The following TASOR2 variants were observed in gnomAD, a reference collection of about 807,000 sequenced individuals.
TASOR2 encodes protein TASOR 2.
Under a neutral mutation model 199.5 loss-of-function variants are expected in TASOR2, and 84 were observed. That is an observed-to-expected ratio of 0.42 (90% CI 0.35 to 0.50). TASOR2 has a LOEUF of 0.50. TASOR2 is among the 20% of genes least tolerant of loss of function. The pLI, the probability that TASOR2 is intolerant of heterozygous loss-of-function variation, is 0.02. For synonymous variants in TASOR2, 1,103 were observed against 1,046.6 expected (o/e 1.05, Z -1.04); for missense variants, 2,796 against 2,835.9 (o/e 0.99, Z 0.32).
At chr10:5,691,109 T>G (rs1394787026) in intron 1 of TASOR2, among the ~76,000 whole-genome samples, 1 of 150,846 alleles carries the variant, frequency 6.6e-6, no homozygotes, top group African/African-American at 2.4e-5. Context: ...GGGAATCGCT[T>G]GAACCTGGGA....
At chr10:5,707,303 T>C (rs889267335) in intron 1 of TASOR2, among the ~76,000 whole-genome samples, 5 of 152,158 alleles carry the variant, frequency 3.3e-5, no homozygotes, top group African/African-American at 9.7e-5. Context: ...CCAATAAAAG[T>C]TTAAACAATA....
chr10:5,730,199 G>A lies in TASOR2; in HGVS notation c.488-288G>A, dbSNP rs1834618773. Among the ~76,000 whole-genome samples, 1 of 152,222 alleles carries A rather than the reference G, an allele frequency of 6.6e-6. No individual in the cohort carries two copies. The highest frequency in any genetic ancestry group is 2.4e-5 in the African/African-American group (1 of 41,448). On this transcript the variant is annotated intron_variant, in intron 10 of 20. Coordinates refer to ENST00000328090, the Ensembl canonical transcript of TASOR2. The surrounding 1 kb of genome is among the most constrained non-coding windows in gnomAD (Gnocchi z 4.1). ...TGAGCTCATGAGCTCCTTGTTAGGT[G>A]AGATGGAGCTGGAGGCAGGGTTTAG...
Position 5,699,027 on chromosome 10 carries a change from A to G in TASOR2, c.-287-13796A>G, listed in dbSNP as rs1029652717. Reference sequence around the variant, plus strand: ...AACATGTTCACATAAAAACTTATACATGAATGCTCATAGCATAATTATTCA... The same window carrying G: ...AACATGTTCACATAAAAACTTATACGTGAATGCTCATAGCATAATTATTCA... On this transcript the variant is annotated intron_variant, in intron 1 of 20. Transcript: ENST00000328090. The surrounding 1 kb of genome is among the most constrained non-coding windows in gnomAD (Gnocchi z 4.1). 1.3e-5 allele frequency among the ~76,000 whole-genome samples: 2 copies of G among 152,224 alleles called. No homozygotes were observed. The highest frequency in any genetic ancestry group is 1.5e-5 in the Non-Finnish European group (1 of 68,028).
exon 15 of TASOR2, chr10:5,746,293 C>A: frequency 6.2e-7 from 1 of 1,614,082 alleles, no homozygotes. Context: ...AGAAATTGTT[C>A]AGCCACTGGA....
intron 1 of TASOR2, among the ~76,000 whole-genome samples, chr10:5,700,959 G>T (rs1019377228): frequency 9.6e-6 from 1 of 104,010 alleles, no homozygotes; most frequent in Non-Finnish European, 2.2e-5. Context: ...TGTTTCCTTT[G>T]CTGTGCAGAA....
chr10:5,724,446 G>A lies in TASOR2; in HGVS notation c.264G>A (p.Leu88=), dbSNP rs750741806. The A allele has an allele frequency of 2.0e-6, 3 of 1,535,714 alleles. No homozygotes were observed. In the African/African-American group the frequency reaches 4.2e-5, roughly 22 times the overall value. Residue 88 remains leucine (L), a synonymous_variant, in exon 8 of 21, where the codon TTG becomes TTA. Coordinates refer to ENST00000328090, the Ensembl canonical transcript of TASOR2. Reference sequence around the variant, plus strand: ...TCTCTACAGTCTGTTTTCAAGATTTGTGCTTCAATTTGTATGAGGTAGAAC... The same window carrying A: ...TCTCTACAGTCTGTTTTCAAGATTTATGCTTCAATTTGTATGAGGTAGAAC...
intron 1 of TASOR2, among the ~76,000 whole-genome samples, chr10:5,696,562 G>A (rs934053374): frequency 6.6e-6 from 1 of 152,054 alleles, no homozygotes; most frequent in African/African-American, 2.4e-5. Flanking sequence ...TCACTATGTT[G>A]CCAGGCTGGT....
intron 1 of TASOR2, among the ~76,000 whole-genome samples, chr10:5,707,680 C>G (rs1020274318): frequency 6.6e-6 from 1 of 150,922 alleles, no homozygotes. Context: ...CTCTGTCTCC[C>G]CCCCCAACCC....
At chr10:5,723,203 C>T (rs1554763685) in intron 6 of TASOR2, among the ~76,000 whole-genome samples, 1 of 151,448 alleles carries the variant, frequency 6.6e-6, no homozygotes, top group Non-Finnish European at 1.5e-5. Flanking sequence ...CTACAGGCGC[C>T]CACCACCACA....
chr10:5,735,922 G>A (rs924351681), intron 12 of TASOR2, among the ~76,000 whole-genome samples: 1 of 152,070 alleles, frequency 6.6e-6, no homozygotes, highest in Admixed American at 6.6e-5. Context: ...TATCTAAAGG[G>A]AATTATAAAC....
intron 8 of TASOR2, among the ~76,000 whole-genome samples, chr10:5,726,655 AAACT>A (rs1299766356): frequency 6.6e-6 from 1 of 152,198 alleles, no homozygotes; most frequent in Non-Finnish European, 1.5e-5. Context: ...CACTGTTCTA[AAACT>A]AACCTTTCAT....
At chr10:5,758,367 C>T (rs1299530075) in intron 17 of TASOR2, among the ~76,000 whole-genome samples, 1 of 152,000 alleles carries the variant, frequency 6.6e-6, no homozygotes, top group Non-Finnish European at 1.5e-5. Context: ...ATAGTGAGAT[C>T]CCATCTCTAC....
In TASOR2 at chr10:5,755,001, GC is replaced by G. The variant is rs1838701052; in HGVS notation, c.6607-1611del. ...GCAGAGCTTGCAGTGAGCCGAGATCGCGCCACTGCACTCCAGCCTGGGCAAC... is the reference window on the plus strand; with the variant it reads ...GCAGAGCTTGCAGTGAGCCGAGATCGGCCACTGCACTCCAGCCTGGGCAAC... On this transcript the variant is annotated intron_variant, in intron 15 of 20. Coordinates refer to ENST00000328090, the Ensembl canonical transcript of TASOR2. Among the ~76,000 whole-genome samples, 3 of 140,986 alleles carry G rather than the reference GC, an allele frequency of 2.1e-5. No individual in the cohort carries two copies. In the South Asian group the frequency reaches 6.7e-4, roughly 32 times the overall value. 92.5% of individuals were successfully genotyped at this position (140,986 alleles called of 152,430 possible). A position where few individuals can be genotyped will look rare whatever the true frequency, so the allele number is the denominator to read the frequency against.
In TASOR2 at chr10:5,685,800, T is replaced by C. The variant is rs1365347767; in HGVS notation, c.-288+625T>C. Among the ~76,000 whole-genome samples, 1 of 152,262 alleles carries C rather than the reference T, an allele frequency of 6.6e-6. No individual in the cohort carries two copies. The highest frequency in any genetic ancestry group is 2.4e-5 in the African/African-American group (1 of 41,478). On this transcript the variant is annotated intron_variant, in intron 1 of 20. Coordinates refer to ENST00000328090, the Ensembl canonical transcript of TASOR2. The surrounding 1 kb of genome is among the most constrained non-coding windows in gnomAD (Gnocchi z 5.4). ...ACTTTGGGAATTCTCAAGTTTCTCT[T>C]AGTCGCTTCTTGTCTATTTGAAATC...
chr10:5,694,018 G>A (rs1031950863), intron 1 of TASOR2, among the ~76,000 whole-genome samples: 9 of 151,872 alleles, frequency 5.9e-5, no homozygotes, highest in Admixed American at 5.9e-4. Flanking sequence ...GGTAATCCGA[G>A]GTTTATCTGA....
At position 5,713,965 on chromosome 10, in the gene TASOR2, C is replaced by T. The variant is rs145377966; in HGVS notation, c.-192+1047C>T. The T allele has an allele frequency of 7.4e-5, 27 of 364,312 alleles. No homozygotes were observed. The East Asian group carries it at 1.0e-3, about 14-fold the overall frequency. The allele number at this position is 364,312 out of a possible 1,614,324, so 22.6% of individuals were successfully genotyped here. On this transcript the variant is annotated intron_variant, in intron 2 of 20. Transcript: ENST00000328090. ...CCTGTAATCTCAGCATTTTGGGAGG[C>T]TGAGGTGGGAGGATTGCTTGAGCCC... is the stretch of plus-strand genomic sequence containing the variant.
chr10:5,715,256 A>C (rs1304492402), intron 2 of TASOR2, among the ~76,000 whole-genome samples: 2 of 149,462 alleles, frequency 1.3e-5, no homozygotes, highest in African/African-American at 2.5e-5. Flanking sequence ...CTTTATTGAG[A>C]TATAATTCAC....
exon 15 of TASOR2, chr10:5,746,725 G>T: frequency 6.2e-7 from 1 of 1,614,092 alleles, no homozygotes; most frequent in Non-Finnish European, 8.5e-7. Context: ...CTCGGAAAAT[G>T]CACGAACACA....
chr10:5,689,744 T>G lies in TASOR2; in HGVS notation c.-288+4569T>G, dbSNP rs9423930. 0.69 allele frequency among the ~76,000 whole-genome samples: 104,787 copies of G among 152,144 alleles called. 36,768 individuals carry two copies. Among genetic ancestry groups the G allele is most frequent in the African/African-American group, 0.83 (34,332 of 41,522 alleles). ...GTTATTTATCTTAATGTATAAATAA[T>G]TTTTTAAATTATCTACATAGTAAAT... On this transcript the variant is annotated intron_variant, in intron 1 of 20. Transcript: ENST00000328090. The surrounding 1 kb of genome is among the most constrained non-coding windows in gnomAD (Gnocchi z 4.1).
Sources: allele counts gnomAD v4.1 joint callset (sites outside exome capture counted in the v4.1 genomes callset), GRCh38; gene constraint gnomAD v4.1.1; non-coding constraint Gnocchi (gnomAD v3.1); transcripts MANE v1.5; gene names NCBI Gene and HGNC (gene_info 2026-07-23, HGNC 2026-07-21).